The following PDE10A variants were observed in gnomAD, a reference collection of about 807,000 sequenced individuals.
PDE10A encodes cAMP and cAMP-inhibited cGMP 3',5'-cyclic phosphodiesterase 10A.
Under a neutral mutation model 97.7 loss-of-function variants are expected in PDE10A, and 39 were observed. That is an observed-to-expected ratio of 0.40 (90% CI 0.31 to 0.52). The LOEUF (loss-of-function observed/expected upper bound fraction) is 0.52. PDE10A is among the 20% of genes least tolerant of loss of function. The pLI is 0.56. For missense variants in PDE10A, 731 were observed against 1,047.8 expected (o/e 0.70, Z 4.17); for synonymous variants, 371 against 376.8 (o/e 0.98, Z 0.18).
At chr6:165,621,771 A>AAGAAAAAGAAGAAGAAG (rs112872551) in intron 1 of PDE10A, among the ~76,000 whole-genome samples, 1 of 134,688 alleles carries the variant, frequency 7.4e-6, no homozygotes, top group South Asian at 2.3e-4. Context: ...AAGAAAAAAA[A>AAGAAAAAGAAGAAGAAG]AAGAAGAAGA....
At chr6:165,821,900 G>A (rs1483140021) in intron 1 of PDE10A, among the ~76,000 whole-genome samples, 3 of 107,196 alleles carry the variant, frequency 2.8e-5, no homozygotes, top group African/African-American at 5.4e-5. Context: ...TGAGGTGCCG[G>A]GTTTTTTTTT....
chr6:165,508,920 ATT>A, intron 2 of PDE10A, among the ~76,000 whole-genome samples: 1 of 152,164 alleles, frequency 6.6e-6, no homozygotes. Context: ...CCTCATAACC[ATT>A]TAAATCAGAC....
chr6:165,436,638 A>C (rs943559694), intron 5 of PDE10A, among the ~76,000 whole-genome samples: 1 of 152,216 alleles, frequency 6.6e-6, no homozygotes, highest in African/African-American at 2.4e-5. Flanking sequence ...AAATTTAAGT[A>C]ATTATTTTAA....
chr6:165,704,314 C>A (rs930593169), intron 1 of PDE10A, among the ~76,000 whole-genome samples: 11 of 152,118 alleles, frequency 7.2e-5, no homozygotes, highest in African/African-American at 2.7e-4. Context: ...AAAGGAGGAG[C>A]ACGTGGGACA....
At chr6:165,689,286 CTTTT>C (rs1298826458) in intron 1 of PDE10A, among the ~76,000 whole-genome samples, 4 of 152,204 alleles carry the variant, frequency 2.6e-5, no homozygotes, top group African/African-American at 9.7e-5. Flanking sequence ...GTTAAATGTT[CTTTT>C]GTTTCCAACA....
At chr6:165,889,655 C>A (rs988194102) in intron 1 of PDE10A, among the ~76,000 whole-genome samples, 1 of 152,120 alleles carries the variant, frequency 6.6e-6, no homozygotes, top group African/African-American at 2.4e-5. Context: ...AAAAAAATAC[C>A]AATCTCAGAA....
At chr6:165,468,402 G>C (rs1778791677) in intron 3 of PDE10A, among the ~76,000 whole-genome samples, 2 of 152,008 alleles carry the variant, frequency 1.3e-5, no homozygotes, top group Non-Finnish European at 2.9e-5. Flanking sequence ...TTTTTAATTA[G>C]TGAATGCACA....
chr6:165,905,110 A>G (rs184694957), intron 1 of PDE10A, among the ~76,000 whole-genome samples: 41 of 152,348 alleles, frequency 2.7e-4, no homozygotes, highest in Non-Finnish European at 4.4e-5. Flanking sequence ...ACAGATGTAG[A>G]TGTTTGTAAA....
intron 1 of PDE10A, among the ~76,000 whole-genome samples, chr6:165,544,233 A>G (rs1783619831): frequency 6.6e-6 from 1 of 152,128 alleles, no homozygotes; most frequent in East Asian, 1.9e-4. Context: ...AAGTCATTAA[A>G]CCCAGTGGTA....
chr6:165,604,287 C>G (rs990594198), intron 1 of PDE10A, among the ~76,000 whole-genome samples: 3 of 152,072 alleles, frequency 2.0e-5, no homozygotes, highest in African/African-American at 7.2e-5. Context: ...GCCTGGCAAA[C>G]AGCAGACCCC....
At chr6:165,600,584 C>G (rs539690010) in intron 1 of PDE10A, among the ~76,000 whole-genome samples, 1 of 152,352 alleles carries the variant, frequency 6.6e-6, no homozygotes, top group Non-Finnish European at 1.5e-5. Flanking sequence ...CTTCCTCTCT[C>G]CCTTTAACCC....
chr6:165,450,692 A>G (rs1791229940), intron 3 of PDE10A, among the ~76,000 whole-genome samples: 1 of 151,972 alleles, frequency 6.6e-6, no homozygotes, highest in Non-Finnish European at 1.5e-5. Context: ...AGCAGCTGAG[A>G]CTACAGGCAC....
At chr6:165,664,665 C>G (rs1016604485), upstream of PDE10A, among the ~76,000 whole-genome samples, 2 of 152,218 alleles carry the variant, frequency 1.3e-5, no homozygotes, top group Admixed American at 1.3e-4. Flanking sequence ...CCCGGCTTGA[C>G]GCTTCTCCAG....
intron 1 of PDE10A, among the ~76,000 whole-genome samples, chr6:165,630,615 C>G (rs1469848821): frequency 6.6e-6 from 1 of 152,134 alleles, no homozygotes; most frequent in South Asian, 2.1e-4. Context: ...GCATTGTTTA[C>G]TTAGTACCTT....
chr6:165,539,675 G>A (rs75733005), intron 2 of PDE10A, among the ~76,000 whole-genome samples: 2,425 of 152,226 alleles, frequency 0.016, 61 homozygotes, highest in African/African-American at 0.056. Flanking sequence ...CAAGCCCAGC[G>A]CTCCGGGAGG....
chr6:165,880,922 T>A (rs1031633462), intron 1 of PDE10A, among the ~76,000 whole-genome samples: 1 of 152,242 alleles, frequency 6.6e-6, no homozygotes, highest in Non-Finnish European at 1.5e-5. Flanking sequence ...ATTTCATCCA[T>A]ATGTTTCTAA....
chr6:165,826,484 C>CGT (rs1779754112), intron 1 of PDE10A, among the ~76,000 whole-genome samples: 1 of 150,252 alleles, frequency 6.7e-6, no homozygotes, highest in Non-Finnish European at 1.5e-5. Context: ...CCTGTCCCCA[C>CGT]GTCCCTCTGT....
chr6:165,468,784 G>A (rs1485368559), intron 3 of PDE10A, among the ~76,000 whole-genome samples: 2 of 152,154 alleles, frequency 1.3e-5, no homozygotes, highest in Non-Finnish European at 2.9e-5. Context: ...AGGTGTGATT[G>A]GATTTTATGC....
chr6:165,946,438 G>C (rs1783768297), intron 1 of PDE10A, among the ~76,000 whole-genome samples: 1 of 151,214 alleles, frequency 6.6e-6, no homozygotes, highest in South Asian at 2.1e-4. Flanking sequence ...AGCTTGCAGT[G>C]AGCCGAGATT....
Sources: gnomAD v4.1 joint callset for allele counts (sites outside exome capture counted in the v4.1 genomes callset) on GRCh38, gnomAD v4.1.1 for gene constraint, MANE v1.5 for transcripts, NCBI Gene and HGNC (gene_info 2026-07-23, HGNC 2026-07-21) for gene names.